The following CADM2 variants were observed in gnomAD, a reference collection of about 807,000 sequenced individuals.
CADM2 encodes cell adhesion molecule 2, also known as immunoglobulin superfamily member 4D.
CADM2 carries 12 observed loss-of-function variants against 49.8 expected under a neutral mutation model. The observed-to-expected ratio is 0.24, with a 90% CI of 0.15 to 0.39. The LOEUF (loss-of-function observed/expected upper bound fraction) is 0.39. CADM2 is among the 10% of genes least tolerant of loss of function. CADM2 has a pLI of 1.00. For synonymous variants in CADM2, 214 were observed against 175.4 expected (o/e 1.22, Z -1.74); for missense variants, 378 against 492.3 (o/e 0.77, Z 2.20).
intron 1 of CADM2, among the ~76,000 whole-genome samples, chr3:85,475,319 C>A (rs1159148923): frequency 6.6e-6 from 1 of 151,866 alleles, no homozygotes; most frequent in South Asian, 2.1e-4. Context: ...GTGGGCCTGG[C>A]CTCCTATCTA....
At chr3:85,423,238 T>C (rs1337503532) in intron 1 of CADM2, among the ~76,000 whole-genome samples, 1 of 152,104 alleles carries the variant, frequency 6.6e-6, no homozygotes, top group Non-Finnish European at 1.5e-5. Flanking sequence ...TCTACCACTC[T>C]TCTGCTCATG....
chr3:85,567,546 TCTC>T (rs1334254461), intron 1 of CADM2, among the ~76,000 whole-genome samples: 2 of 152,188 alleles, frequency 1.3e-5, no homozygotes, highest in East Asian at 3.9e-4. Flanking sequence ...TAATTTCTCT[TCTC>T]TCCTTCATGG....
At chr3:85,983,290 G>T (rs1727688063) in intron 8 of CADM2, among the ~76,000 whole-genome samples, 1 of 151,620 alleles carries the variant, frequency 6.6e-6, no homozygotes, top group South Asian at 2.1e-4. Context: ...AATAAAAACA[G>T]GCAATTAGTA....
chr3:85,014,157 TA>T (rs1321360317), intron 1 of CADM2, among the ~76,000 whole-genome samples: 1 of 147,338 alleles, frequency 6.8e-6, no homozygotes, highest in Non-Finnish European at 1.5e-5. Context: ...TAATATTGTA[TA>T]TTATATATAC....
intron 1 of CADM2, among the ~76,000 whole-genome samples, chr3:85,671,817 A>T (rs949780588): frequency 6.6e-6 from 1 of 152,184 alleles, no homozygotes; most frequent in Non-Finnish European, 1.5e-5. Context: ...GTATATACTC[A>T]TTCTGAATTA....
At chr3:85,815,693 G>A (rs1282540740) in intron 3 of CADM2, among the ~76,000 whole-genome samples, 1 of 152,156 alleles carries the variant, frequency 6.6e-6, no homozygotes, top group East Asian at 1.9e-4. Flanking sequence ...TGCAAGACAA[G>A]GTTGGCCTCT....
intron 3 of CADM2, among the ~76,000 whole-genome samples, chr3:85,879,867 T>G (rs1282721760): frequency 6.6e-6 from 1 of 152,168 alleles, no homozygotes. Context: ...AGTGTGTGTG[T>G]GTTTATATGT....
At chr3:85,933,596 G>T (rs1396863256) in intron 6 of CADM2, among the ~76,000 whole-genome samples, 4 of 152,086 alleles carry the variant, frequency 2.6e-5, no homozygotes, top group Non-Finnish European at 5.9e-5. Context: ...TTATTGTGAG[G>T]AATTGTCCAT....
intron 1 of CADM2, chr3:85,511,747 T>C: frequency 3.6e-6 from 1 of 275,700 alleles, no homozygotes; most frequent in Non-Finnish European, 5.5e-6. Flanking sequence ...AAAATAGAGG[T>C]TGGAATGAGA....
chr3:85,199,389 G>GAGAGAGAGAGAGAGAGAGAGA (rs2041432702), intron 1 of CADM2, among the ~76,000 whole-genome samples: 1 of 149,808 alleles, frequency 6.7e-6, no homozygotes, highest in African/African-American at 2.5e-5. Flanking sequence ...GAGAGAGAGA[G>GAGAGAGAGAGAGAGAGAGAGA]AAGCCCAAAT....
chr3:85,161,548 T>C (rs1192918897), intron 1 of CADM2, among the ~76,000 whole-genome samples: 2 of 152,008 alleles, frequency 1.3e-5, no homozygotes, highest in Non-Finnish European at 2.9e-5. Context: ...TGTCACAGAA[T>C]GTACTGTCAA....
chr3:84,959,731 AC>A, intron 1 of CADM2, 63 bp downstream of exon 1: 1 of 1,412,042 alleles, frequency 7.1e-7, no homozygotes, highest in Non-Finnish European at 9.6e-7. Context: ...TCCCCATTCC[AC>A]CCCATATTTC....
At chr3:85,495,499 A>T (rs1274782259) in intron 1 of CADM2, among the ~76,000 whole-genome samples, 6 of 152,114 alleles carry the variant, frequency 3.9e-5, no homozygotes, top group African/African-American at 1.4e-4. Context: ...AATTTTGATT[A>T]CACATTGTGA....
At chr3:85,251,773 G>A (rs867356049) in intron 1 of CADM2, among the ~76,000 whole-genome samples, 4 of 151,890 alleles carry the variant, frequency 2.6e-5, no homozygotes, top group Non-Finnish European at 5.9e-5. Context: ...TTACATAATA[G>A]CACTTTTACT....
intron 2 of CADM2, among the ~76,000 whole-genome samples, chr3:85,728,917 A>G (rs1036647886): frequency 2.0e-5 from 3 of 152,238 alleles, no homozygotes; most frequent in African/African-American, 7.2e-5. Context: ...GTAATAGCAT[A>G]GGAAATTACA....
chr3:85,850,068 G>A (rs2075036007), intron 3 of CADM2, among the ~76,000 whole-genome samples: 1 of 152,124 alleles, frequency 6.6e-6, no homozygotes, highest in Non-Finnish European at 1.5e-5. Flanking sequence ...CTTCTCAAAT[G>A]TTTTCAGGTC....
intron 1 of CADM2, among the ~76,000 whole-genome samples, chr3:85,219,469 C>A (rs1288477696): frequency 6.6e-6 from 1 of 152,122 alleles, no homozygotes; most frequent in South Asian, 2.1e-4. Context: ...GTAACTGTCA[C>A]TTTAAAAGTA....
chr3:85,429,907 C>A (rs928179451), intron 1 of CADM2, among the ~76,000 whole-genome samples: 2 of 151,928 alleles, frequency 1.3e-5, no homozygotes, highest in Admixed American at 6.6e-5. Flanking sequence ...TTTCACAAAC[C>A]CTAAAATACT....
chr3:85,205,774 C>T (rs940724169), intron 1 of CADM2, among the ~76,000 whole-genome samples: 2 of 152,038 alleles, frequency 1.3e-5, no homozygotes, highest in African/African-American at 2.4e-5. Context: ...CATCATAATA[C>T]ATGAGTATTT....
Sources: allele counts gnomAD v4.1 joint callset (sites outside exome capture counted in the v4.1 genomes callset), GRCh38; gene constraint gnomAD v4.1.1; transcripts MANE v1.5; gene names NCBI Gene and HGNC (gene_info 2026-07-23, HGNC 2026-07-21).